Variants in HDAC9 observed in about 807,000 individuals in gnomAD.
The protein encoded by HDAC9 is histone deacetylase 9, also known as MEF-2 interacting transcription repressor (MITR) protein.
In HDAC9, 41 loss-of-function variants were observed where a neutral mutation model predicts 139.4. The observed-to-expected ratio is 0.29, with a 90% CI of 0.23 to 0.38. The LOEUF (loss-of-function observed/expected upper bound fraction) is 0.38, where lower values mean the gene tolerates loss of function less well. Among genes scored for constraint, HDAC9 ranks in the 10% least tolerant of loss-of-function variants. The pLI is 1.00. For synonymous variants in HDAC9, 517 were observed against 476.2 expected, an observed-to-expected ratio of 1.09 and a Z score of -1.12; for missense variants, 1,147 against 1,297.0, an observed-to-expected ratio of 0.88 and a Z score of 1.78.
intron 12 of HDAC9, among the ~76,000 whole-genome samples, chr7:18,678,565 G>A (rs1436585008): frequency 6.6e-6 from 1 of 151,512 alleles, no homozygotes; most frequent in Non-Finnish European, 1.5e-5. Context: ...TTTCTTCCTA[G>A]TGGATGAACT....
intron 1 of HDAC9, among the ~76,000 whole-genome samples, chr7:18,356,125 GAAA>G: frequency 6.6e-6 from 1 of 151,518 alleles, no homozygotes; most frequent in East Asian, 1.9e-4. Flanking sequence ...AACTAAAAAA[GAAA>G]AAAAGGAAGA....
rs189245087 is a variant in HDAC9, at chr7:18,753,428, C to G, written c.2043+4290C>G. Among the ~76,000 whole-genome samples, 396 of 152,054 alleles carry G rather than the reference C, an allele frequency of 2.6e-3. 2 individuals carry two copies. The highest frequency in any genetic ancestry group is 9.2e-3 in the African/African-American group (383 of 41,514). Reference sequence around the variant, plus strand: ...TAGATCTTGTGATGAATAACTTGCCCTCTTTGTGTTTTCATTTGTGTTCTT... The same window carrying G: ...TAGATCTTGTGATGAATAACTTGCCGTCTTTGTGTTTTCATTTGTGTTCTT... On this transcript the variant is annotated intron_variant, in intron 14 of 25. Coordinates refer to ENST00000686413, the MANE Select transcript of HDAC9 (RefSeq NM_178425.4).
chr7:18,484,124 C>T (rs1795790324), intron 1 of HDAC9, among the ~76,000 whole-genome samples: 2 of 147,374 alleles, frequency 1.4e-5, no homozygotes, highest in South Asian at 4.3e-4. Context: ...GGGAGGATTG[C>T]TTGAGCCAAG....
chr7:18,492,986 A>G (rs538801945), upstream of HDAC9, among the ~76,000 whole-genome samples: 14 of 152,094 alleles, frequency 9.2e-5, no homozygotes, highest in South Asian at 2.7e-3. Context: ...ACATACTGCA[A>G]GAATGCAGGG....
In HDAC9 at chr7:18,475,259, G is replaced by A. The variant is rs536135570; in HGVS notation, c.-41-21003G>A. Among the ~76,000 whole-genome samples the A allele has an allele frequency of 2.0e-5, 3 of 152,312 alleles. No individual in the cohort carries two copies. The South Asian group carries it at 6.2e-4, about 32-fold the overall frequency. Reference sequence around the variant, plus strand: ...CTTCTGACCCCTGATCCCACACAAAGTGCCATGTCACCAAATATTCTGTTT... The same window carrying A: ...CTTCTGACCCCTGATCCCACACAAAATGCCATGTCACCAAATATTCTGTTT... On this transcript the variant is annotated intron_variant, in intron 1 of 3. Coordinates refer to the HDAC9 transcript ENST00000413509.
At chr7:18,904,235 G>C (rs1271185131) in intron 22 of HDAC9, among the ~76,000 whole-genome samples, 1 of 152,162 alleles carries the variant, frequency 6.6e-6, no homozygotes, top group Non-Finnish European at 1.5e-5. Context: ...TACAATAAAA[G>C]TAGAAGATAA....
rs1787942446 is a variant in HDAC9, at chr7:18,647,866, G to A, written c.1117G>A (p.Gly373Ser). The change falls in exon 10 of 26, where the codon GGC becomes AGC. Residue 373 changes from glycine to serine, a missense_variant. Gly to Ser is a moderately conservative substitution (Grantham distance 56). Coordinates refer to ENST00000686413, the MANE Select transcript of HDAC9 (RefSeq NM_178425.4). The stretch of plus-strand genomic sequence containing the variant: ...TGTTCCTCTGCCTGGGCAGTATGGA[G>A]GCAGCATCCCGGCATCTTCCAGCCA... The part of the protein sequence containing the change: ...QGVPLPGQYG[G>S]SIPASSSHPH... The A allele has an allele frequency of 6.2e-7, 1 of 1,612,680 alleles. No homozygotes were observed. The highest frequency in any genetic ancestry group is 8.5e-7 in the Non-Finnish European group (1 of 1,179,382).
rs759958070 is a variant in HDAC9 at position 18,874,616 on chromosome 7, C to T, written c.2803+20C>T. 1.8e-5 allele frequency: 26 copies of T among 1,417,070 alleles called. No individual in the cohort carries two copies. In the South Asian group the frequency reaches 2.9e-4, roughly 16 times the overall value. The allele number at this position is 1,417,070 out of a possible 1,614,324, so 87.8% of individuals were successfully genotyped here. ...CAAAATGTAAGTACCTCTTTCAGGA[C>T]TTTACGAAAGGCTCTGATATCATAC... On this transcript the variant is annotated intron_variant, in intron 22 of 25. Transcript: ENST00000686413.
intron 14 of HDAC9, among the ~76,000 whole-genome samples, chr7:18,750,668 A>C: frequency 6.6e-6 from 1 of 152,140 alleles, no homozygotes; most frequent in African/African-American, 2.4e-5. Context: ...TAAGGATTTC[A>C]TGTTTCTGAT....
At chr7:18,493,281 T>C (rs1202024939), upstream of HDAC9, among the ~76,000 whole-genome samples, 1 of 151,984 alleles carries the variant, frequency 6.6e-6, no homozygotes, top group African/African-American at 2.4e-5. Context: ...TGTATATTCA[T>C]CATAAATTTT....
chr7:18,905,428 T>C (rs190829064), intron 22 of HDAC9, among the ~76,000 whole-genome samples: 1 of 152,194 alleles, frequency 6.6e-6, no homozygotes, highest in Non-Finnish European at 1.5e-5. Flanking sequence ...GAAAGTCCAT[T>C]TTTCTACTTA....
chr7:18,094,543 G>A (rs778782124), intron 1 of HDAC9, among the ~76,000 whole-genome samples: 3 of 146,360 alleles, frequency 2.0e-5, no homozygotes, highest in South Asian at 2.2e-4. Context: ...TGATCCTTCT[G>A]TGTCAGCCTC....
rs879580939 is a variant in HDAC9 at position 18,811,865 on chromosome 7, G to A, written c.2323-17296G>A. ...AAAGGAAAGAAAGGGAGAGGGAGAG[G>A]GAGAGAGAGAAAGAGAGAGAGACAA... On this transcript the variant is annotated intron_variant, in intron 17 of 25. Coordinates refer to ENST00000686413, the MANE Select transcript of HDAC9 (RefSeq NM_178425.4). Among the ~76,000 whole-genome samples the A allele has an allele frequency of 9.9e-5, 15 of 150,900 alleles. 1 individual carries two copies. The highest frequency in any genetic ancestry group is 9.9e-4 in the Admixed American group (15 of 15,096).
chr7:18,392,134 G>A (rs1388377187), intron 1 of HDAC9, among the ~76,000 whole-genome samples: 2 of 152,064 alleles, frequency 1.3e-5, no homozygotes, highest in Admixed American at 6.6e-5. Flanking sequence ...TTTACAAGTT[G>A]TATTACCTGA....
intron 1 of HDAC9, among the ~76,000 whole-genome samples, chr7:18,309,399 A>G (rs908780894): frequency 2.0e-5 from 3 of 152,178 alleles, no homozygotes; most frequent in Non-Finnish European, 4.4e-5. Flanking sequence ...TACTATTTAA[A>G]ATATTTTGAC....
intron 1 of HDAC9, among the ~76,000 whole-genome samples, chr7:18,153,255 G>A (rs1330777147): frequency 6.6e-6 from 1 of 152,182 alleles, no homozygotes; most frequent in African/African-American, 2.4e-5. Context: ...AAAGAATAAA[G>A]TGACAACAGC....
At chr7:18,667,950 G>C in intron 12 of HDAC9, 2 of 978,650 alleles carry the variant, frequency 2.0e-6, no homozygotes, top group Non-Finnish European at 2.4e-6. Flanking sequence ...TAGAATCTTT[G>C]TGAGGTTTTT....
At chr7:18,977,951 C>CACAT (rs1368574302) in intron 25 of HDAC9, among the ~76,000 whole-genome samples, 2 of 150,320 alleles carry the variant, frequency 1.3e-5, no homozygotes, top group Non-Finnish European at 3.0e-5. Flanking sequence ...CACACACACA[C>CACAT]ACACACACAG....
intron 1 of HDAC9, among the ~76,000 whole-genome samples, chr7:18,089,127 G>GAC (rs1456517916): frequency 6.6e-6 from 1 of 152,172 alleles, no homozygotes; most frequent in African/African-American, 2.4e-5. Context: ...CTACAAAATG[G>GAC]ACACGGTTAG....
Sources: gnomAD v4.1 joint callset for allele counts (sites outside exome capture counted in the v4.1 genomes callset) on GRCh38, gnomAD v4.1.1 for gene constraint, MANE v1.5 for transcripts, NCBI Gene and HGNC (gene_info 2026-07-23, HGNC 2026-07-21) for gene names.